Variants in ADGRE3 observed in about 807,000 individuals in gnomAD.
ADGRE3 encodes adhesion G protein-coupled receptor E3, also known as EGF-like module receptor 3.
ADGRE3 carries 88 observed loss-of-function variants against 80.1 expected under a neutral mutation model. The ratio of observed to expected loss-of-function variants is 1.10; its 90% CI spans 0.93 to 1.31. The LOEUF (loss-of-function observed/expected upper bound fraction) is 1.31, where lower values mean the gene tolerates loss of function less well. Ranked by LOEUF, ADGRE3 falls within the 40% of genes most tolerant of loss-of-function variation. The probability of loss-of-function intolerance (pLI) is 0.00; values close to 1 mark genes in which losing one functional copy is unlikely to be tolerated. For synonymous variants in ADGRE3, 281 were observed against 294.8 expected (o/e 0.95, Z 0.48); for missense variants, 715 against 776.5 (o/e 0.92, Z 0.94).
At chr19:14,660,625 TAAAA>T (rs34250356) in intron 4 of ADGRE3, among the ~76,000 whole-genome samples, 1 of 145,352 alleles carries the variant, frequency 6.9e-6, no homozygotes, top group Non-Finnish European at 1.5e-5. Context: ...CCCCATCTCT[TAAAA>T]AAAAAAAAAG....
At chr19:14,645,180 CA>C (rs371224910) in intron 8 of ADGRE3, among the ~76,000 whole-genome samples, 1 of 149,912 alleles carries the variant, frequency 6.7e-6, no homozygotes, top group African/African-American at 2.5e-5. Flanking sequence ...AGGAAAAAAA[CA>C]AAAAAAAACC....
chr19:14,625,444 A>C, intron 15 of ADGRE3, 48 bp downstream of exon 15: 5 of 1,222,684 alleles, frequency 4.1e-6, no homozygotes, highest in Non-Finnish European at 6.0e-6. Context: ...TTGCAGTGTC[A>C]AGAGAGGAGT....
At position 14,658,570 on chromosome 19, in the gene ADGRE3, G is replaced by T; in HGVS notation, c.356-20C>A. The T allele has an allele frequency of 6.5e-7, 1 of 1,545,388 alleles. No individual in the cohort carries two copies. Among genetic ancestry groups the T allele is most frequent in the Non-Finnish European group, 8.7e-7 (1 of 1,144,358 alleles). ...TGGTGTCTGCAAAAGACATCATGAT[G>T]GAGTTACTATTGGAACTGAGAGTGA... On this transcript the variant is annotated intron_variant, in intron 4 of 15. Transcript: ENST00000253673.
At chr19:14,646,200 G>A (rs927746792) in intron 8 of ADGRE3, among the ~76,000 whole-genome samples, 8 of 152,006 alleles carry the variant, frequency 5.3e-5, no homozygotes, top group African/African-American at 2.4e-5. Flanking sequence ...TTGGCTCACC[G>A]CAACCTCCGC....
intron 6 of ADGRE3, among the ~76,000 whole-genome samples, chr19:14,653,195 C>G (rs1317309278): frequency 6.6e-6 from 1 of 151,922 alleles, no homozygotes; most frequent in African/African-American, 2.4e-5. Context: ...CCAGGCTGAT[C>G]TCGAACTCCT....
chr19:14,638,006 A>G (rs1971145012), intron 11 of ADGRE3, 99 bp downstream of exon 11: 2 of 818,980 alleles, frequency 2.4e-6, no homozygotes, highest in African/African-American at 1.7e-5. Context: ...GAGAACGTAG[A>G]GTGCATTGGT....
intron 7 of ADGRE3, 117 bp downstream of exon 7, chr19:14,650,968 A>G (rs1032534702): frequency 5.4e-5 from 57 of 1,047,302 alleles, no homozygotes; most frequent in Non-Finnish European, 6.8e-5. Flanking sequence ...AATCTCCAAT[A>G]TCGTAGTTTG....
At chr19:14,647,398 TTTC>T in intron 7 of ADGRE3, 33 bp from the exon 8 acceptor site, 1 of 1,429,604 alleles carries the variant, frequency 7.0e-7, no homozygotes, top group Non-Finnish European at 9.5e-7. Context: ...TCTTTTTTCT[TTTC>T]TTTTCTTTCT....
intron 15 of ADGRE3, among the ~76,000 whole-genome samples, chr19:14,619,674 A>G (rs974019826): frequency 6.6e-6 from 1 of 152,226 alleles, no homozygotes; most frequent in Non-Finnish European, 1.5e-5. Context: ...TCAAAAATTC[A>G]GCAGGAAGAA....
intron 6 of ADGRE3, among the ~76,000 whole-genome samples, chr19:14,653,201 C>T (rs1315311480): frequency 6.6e-6 from 1 of 151,982 alleles, no homozygotes; most frequent in Non-Finnish European, 1.5e-5. Flanking sequence ...TGATCTCGAA[C>T]TCCTGACCTC....
intron 13 of ADGRE3, among the ~76,000 whole-genome samples, chr19:14,631,187 G>A (rs778048641): frequency 4.6e-5 from 7 of 152,042 alleles, no homozygotes; most frequent in South Asian, 2.1e-4. Flanking sequence ...CATATAATTT[G>A]TTATTCAAAC....
downstream of ADGRE3, among the ~76,000 whole-genome samples, chr19:14,614,426 A>G (rs2075063963): frequency 6.6e-6 from 1 of 152,198 alleles, no homozygotes; most frequent in East Asian, 1.9e-4. Context: ...GAAAGAGGTC[A>G]CTTTTTACCA....
intron 11 of ADGRE3, among the ~76,000 whole-genome samples, chr19:14,637,508 C>T (rs891662346): frequency 2.6e-5 from 4 of 151,218 alleles, no homozygotes; most frequent in African/African-American, 9.7e-5. Flanking sequence ...ATCCTTCCAT[C>T]TCAGCTTCTT....
At chr19:14,664,125 A>G (rs1972028469) in intron 2 of ADGRE3, among the ~76,000 whole-genome samples, 1 of 152,068 alleles carries the variant, frequency 6.6e-6, no homozygotes, top group Non-Finnish European at 1.5e-5. Flanking sequence ...CACATGGTGA[A>G]ACCCCGTCTC....
chr19:14,632,748 A>G (rs1283554539), intron 13 of ADGRE3, among the ~76,000 whole-genome samples, 173 bp downstream of exon 13: 1 of 151,434 alleles, frequency 6.6e-6, no homozygotes, highest in Middle Eastern at 3.2e-3. Context: ...TCTTTATCAC[A>G]GCAGCTTAGC....
At chr19:14,605,612 C>G in the ADGRE3 span, among the ~76,000 whole-genome samples, 2 of 152,172 alleles carry the variant, frequency 1.3e-5, no homozygotes, top group Admixed American at 6.6e-5. Context: ...CTCCCTGCCC[C>G]CTACTTGCAA....
At chr19:14,648,652 T>G (rs2146858876) in intron 7 of ADGRE3, among the ~76,000 whole-genome samples, 1 of 152,316 alleles carries the variant, frequency 6.6e-6, no homozygotes. Context: ...ATGAGATTAA[T>G]ATTTAAATCA....
chr19:14,668,627 C>G, intron 2 of ADGRE3, 175 bp downstream of exon 2: 1 of 555,806 alleles, frequency 1.8e-6, no homozygotes, highest in South Asian at 2.5e-5. Context: ...AAATAAAAGG[C>G]TATCCATATT....
the ADGRE3 span, among the ~76,000 whole-genome samples, chr19:14,604,256 T>C: frequency 6.6e-6 from 1 of 152,258 alleles, no homozygotes; most frequent in Non-Finnish European, 1.5e-5. Flanking sequence ...CTGGGGTTTT[T>C]ACCATCACCT....
Sources: allele counts gnomAD v4.1 joint callset (sites outside exome capture counted in the v4.1 genomes callset), GRCh38; gene constraint gnomAD v4.1.1; transcripts MANE v1.5; gene names NCBI Gene and HGNC (gene_info 2026-07-23, HGNC 2026-07-21).